Variants in TBC1D14 observed in about 807,000 individuals in gnomAD.
TBC1D14 encodes TBC1 domain family, member 14.
A neutral mutation model predicts 79.0 loss-of-function variants in TBC1D14; 26 were observed. The ratio of observed to expected loss-of-function variants is 0.33; its 90% CI spans 0.24 to 0.46. The LOEUF is 0.46. Ranked by LOEUF, TBC1D14 falls within the 20% of genes least tolerant of loss-of-function variation. The pLI, the probability that TBC1D14 is intolerant of heterozygous loss-of-function variation, is 1.00. For synonymous variants in TBC1D14, 394 were observed against 349.9 expected (o/e 1.13, Z -1.40); for missense variants, 769 against 887.6 (o/e 0.87, Z 1.70).
At chr4:6,924,161 A>G (rs754619812) in intron 2 of TBC1D14, 50 bp downstream of exon 2, 1 of 1,551,178 alleles carries the variant, frequency 6.4e-7, no homozygotes, top group Non-Finnish European at 8.7e-7. Context: ...AGTCCAGACC[A>G]GTCTCCTTGT....
At chr4:6,963,268 G>A (rs1326990638) in intron 2 of TBC1D14, among the ~76,000 whole-genome samples, 6 of 152,388 alleles carry the variant, frequency 3.9e-5, no homozygotes, top group Admixed American at 3.9e-4. Flanking sequence ...GTGAGTGTCA[G>A]AGATGGTGGC....
chr4:7,011,353 G>T (rs1720752440), intron 11 of TBC1D14, among the ~76,000 whole-genome samples: 1 of 151,848 alleles, frequency 6.6e-6, no homozygotes, highest in Non-Finnish European at 1.5e-5. Context: ...GGGGGGTAGG[G>T]TTTACATGCC....
chr4:7,020,249 A>G (rs1721699823), intron 12 of TBC1D14, among the ~76,000 whole-genome samples: 1 of 152,216 alleles, frequency 6.6e-6, no homozygotes, highest in South Asian at 2.1e-4. Context: ...TTTCAGAATC[A>G]AGGTGAGCGC....
At chr4:6,913,480 T>C (rs1422020842) in intron 1 of TBC1D14, among the ~76,000 whole-genome samples, 1 of 152,200 alleles carries the variant, frequency 6.6e-6, no homozygotes, top group African/African-American at 2.4e-5. Context: ...CAGCAGGCCA[T>C]GTATGAGCTT....
intron 2 of TBC1D14, among the ~76,000 whole-genome samples, chr4:6,929,295 T>A (rs1228934070): frequency 6.6e-6 from 1 of 152,154 alleles, no homozygotes; most frequent in Non-Finnish European, 1.5e-5. Context: ...AGGACCATTC[T>A]AATCAAGGTG....
chr4:6,959,254 T>C (rs1714962273), intron 2 of TBC1D14, among the ~76,000 whole-genome samples: 3 of 152,198 alleles, frequency 2.0e-5, no homozygotes, highest in Non-Finnish European at 4.4e-5. Context: ...AGGTGCTCAC[T>C]TAAGAGTGTG....
At chr4:7,014,660 A>G (rs763872856) in intron 12 of TBC1D14, 103 bp downstream of exon 12, 17 of 779,408 alleles carry the variant, frequency 2.2e-5, no homozygotes, top group East Asian at 5.4e-5. Context: ...GAGTCCTCAT[A>G]TCCTGCTTTC....
chr4:6,968,950 CT>C (rs1715968781), intron 3 of TBC1D14, among the ~76,000 whole-genome samples: 1 of 152,164 alleles, frequency 6.6e-6, no homozygotes, highest in South Asian at 2.1e-4. Context: ...GCTGGGTGAC[CT>C]GTTAGGTGTA....
At chr4:6,914,561 C>A (rs1305136906) in intron 1 of TBC1D14, among the ~76,000 whole-genome samples, 1 of 152,196 alleles carries the variant, frequency 6.6e-6, no homozygotes, top group African/African-American at 2.4e-5. Flanking sequence ...CTACGCACCA[C>A]CCTTTAGACC....
intron 3 of TBC1D14, among the ~76,000 whole-genome samples, chr4:6,993,379 C>T (rs1430361565): frequency 1.3e-5 from 2 of 152,202 alleles, no homozygotes; most frequent in Admixed American, 6.5e-5. Context: ...GAATGTGGGT[C>T]ACCGGGTGTG....
At chr4:7,016,253 C>T (rs1448223677) in intron 12 of TBC1D14, among the ~76,000 whole-genome samples, 2 of 152,202 alleles carry the variant, frequency 1.3e-5, no homozygotes, top group Admixed American at 6.5e-5. Context: ...AACATGGGGC[C>T]GTGAGTGGCG....
At chr4:6,951,797 T>C (rs1209120012) in intron 2 of TBC1D14, among the ~76,000 whole-genome samples, 2 of 152,240 alleles carry the variant, frequency 1.3e-5, no homozygotes. Context: ...ACTTCACCAG[T>C]AAGGCCATTT....
Position 7,031,534 on chromosome 4 carries a change from TG to T in TBC1D14, c.*1143del, listed in dbSNP as rs1398802801. 6.6e-6 allele frequency: 1 copy of T among 152,278 alleles called. No homozygotes were observed. The highest frequency in any genetic ancestry group is 1.5e-5 in the Non-Finnish European group (1 of 68,052). 9.4% of individuals were successfully genotyped at this position (152,278 alleles called of 1,614,324 possible). A position where few individuals can be genotyped will look rare whatever the true frequency, so the allele number is the denominator to read the frequency against. On this transcript the variant is annotated 3_prime_UTR_variant, in exon 14 of 14. Transcript: ENST00000409757. Reference sequence around the variant, plus strand: ...TTCCCAGGGTCGTTGGCAAATTTTTTGTTCTGTCTTTTCCTTGACTAATTGT... The same window carrying T: ...TTCCCAGGGTCGTTGGCAAATTTTTTTTCTGTCTTTTCCTTGACTAATTGT...
chr4:6,980,349 C>T (rs746310417), intron 3 of TBC1D14, among the ~76,000 whole-genome samples: 1 of 151,968 alleles, frequency 6.6e-6, no homozygotes, highest in African/African-American at 2.4e-5. Context: ...TTGAAGCGAA[C>T]GAGAACACAA....
intron 3 of TBC1D14, among the ~76,000 whole-genome samples, chr4:6,983,333 G>A (rs528493886): frequency 6.6e-4 from 100 of 152,150 alleles, no homozygotes; most frequent in African/African-American, 1.3e-3. Flanking sequence ...GAGGAAATTT[G>A]GGCAAAGGAC....
chr4:6,939,464 G>A (rs139105233), intron 2 of TBC1D14, among the ~76,000 whole-genome samples: 23 of 152,200 alleles, frequency 1.5e-4, no homozygotes, highest in African/African-American at 5.1e-4. Context: ...CTCACTTATT[G>A]TACGCTGGTG....
intron 2 of TBC1D14, among the ~76,000 whole-genome samples, chr4:6,944,351 G>A (rs2108984469): frequency 6.6e-6 from 1 of 152,298 alleles, no homozygotes; most frequent in South Asian, 2.1e-4. Flanking sequence ...TGCTTGTCCA[G>A]CAATAAGGAA....
rs116840623 is a variant in TBC1D14, at chr4:7,001,350, A to G, written c.1270+99A>G. On this transcript the variant is annotated intron_variant, in intron 7 of 13. Transcript: ENST00000409757. ...GAAAGAATGGCAGCCATTGCCACGA[A>G]TCTGTGTCTTTTGAGAGACCAGGAG... is the stretch of plus-strand genomic sequence containing the variant. 6.0e-4 allele frequency: 605 copies of G among 1,012,274 alleles called. 5 individuals carry two copies. The African/African-American group carries it at 8.4e-3, about 14-fold the overall frequency. The allele number at this position is 1,012,274 out of a possible 1,614,324, so 62.7% of individuals were successfully genotyped here.
intron 3 of TBC1D14, chr4:6,987,520 C>A: frequency 1.9e-6 from 1 of 531,306 alleles, no homozygotes; most frequent in Non-Finnish European, 2.9e-6. Context: ...CTGTCCTCAA[C>A]AGCCGAAGCT....
Sources: allele counts gnomAD v4.1 joint callset (sites outside exome capture counted in the v4.1 genomes callset), GRCh38; gene constraint gnomAD v4.1.1; transcripts MANE v1.5; gene names NCBI Gene and HGNC (gene_info 2026-07-23, HGNC 2026-07-21).